RECQL4: variants seen among roughly 807,000 people sequenced by gnomAD.
The protein encoded by RECQL4 is ATP-dependent DNA helicase Q4.
Under a neutral mutation model 128.6 loss-of-function variants are expected in RECQL4, and 158 were observed. The observed-to-expected ratio is 1.23, with a 90% CI of 1.08 to 1.40. RECQL4 has a LOEUF of 1.40. RECQL4 is among the 40% of genes most tolerant of loss of function. The pLI is 0.00. For synonymous variants in RECQL4, 996 were observed against 678.9 expected (o/e 1.47, Z -7.26); for missense variants, 2,293 against 1,649.8 (o/e 1.39, Z -6.75).
Position 144,513,135 on chromosome 8 carries a change from C to T in RECQL4, c.2467G>A (p.Glu823Lys), listed in dbSNP as rs368611522. Residue 823 changes from glutamate to lysine, a missense_variant, in exon 15 of 21, where the codon GAA becomes AAA. Physicochemically the swap from Glu to Lys is moderately conservative, Grantham distance 56. Transcript: ENST00000617875. ...TGTCTGCGCAGCTCTCGCAGGTCTT[C>T]GCCCTGCAGGGCAACTTTCATGAGG... ...HCHLFLQPQG[E>K]DLRELRRHVH... The T allele has an allele frequency of 1.4e-4, 225 of 1,555,340 alleles. 2 individuals carry two copies. Among genetic ancestry groups the T allele is most frequent in the Admixed American group, 2.2e-4 (12 of 55,284 alleles).
rs762644049 is a variant in RECQL4 at position 144,512,916 on chromosome 8, C to T, written c.2686G>A (p.Val896Ile). 6 of 1,585,608 alleles carry T rather than the reference C, an allele frequency of 3.8e-6. No individual in the cohort carries two copies. Among genetic ancestry groups the T allele is most frequent in the South Asian group, 3.4e-5 (3 of 87,434 alleles). The change falls in exon 15 of 21, where the codon GTC (valine) becomes ATC (isoleucine). Residue 896 changes from valine (V) to isoleucine (I), a missense_variant. By Grantham distance (29) the Val-to-Ile change is conservative (BLOSUM62 3). Transcript: ENST00000617875. Reference protein sequence around the residue: ...SHQAAPGPRRVCMGHERALPI... With the variant: ...SHQAAPGPRRICMGHERALPI... ...AGTGCCCGCTCATGGCCCATGCAGA[C>T]CCTTCTGGGTCCTGGGGCTGCTTGG...
chr8:144,513,491 G>A lies in RECQL4; in HGVS notation c.2201-11C>T. On this transcript the variant is annotated splice_polypyrimidine_tract_variant and intron_variant, in intron 13 of 20. Coordinates refer to ENST00000617875, the MANE Select transcript of RECQL4 (RefSeq NM_004260.4). ...TTTTGGGGGCACGACCTTTGGGGAAGACAGGCAGATGGTCAGTGGGATGGG... is the reference window on the plus strand; with the variant it reads ...TTTTGGGGGCACGACCTTTGGGGAAAACAGGCAGATGGTCAGTGGGATGGG... 1.9e-6 allele frequency: 3 copies of A among 1,610,208 alleles called. No individual in the cohort carries two copies. The highest frequency in any genetic ancestry group is 2.5e-6 in the Non-Finnish European group (3 of 1,179,778).
At position 144,513,922 on chromosome 8, in the gene RECQL4, A is replaced by C. The variant is rs759290373; in HGVS notation, c.2058+6T>G. 1.3e-6 allele frequency: 2 copies of C among 1,551,666 alleles called. No individual in the cohort carries two copies. The highest frequency in any genetic ancestry group is 1.7e-6 in the Non-Finnish European group (2 of 1,148,478). ...CCTGCAGGGTCCCCAGAGCACACAC[A>C]CCCACCTGGTCTGTGTCCCTGTCCA... On this transcript the variant is annotated splice_donor_region_variant and intron_variant, in intron 12 of 20. Transcript: ENST00000617875.
Position 144,512,081 on chromosome 8 carries a change from C to T in RECQL4, c.3237-14G>A, listed in dbSNP as rs764194765. The stretch of plus-strand genomic sequence containing the variant: ...GGGAAGGCTACGCTGTGGGGAGGAG[C>T]CTGTCAGAGCTGATCACTGCGGGAG... On this transcript the variant is annotated splice_polypyrimidine_tract_variant and intron_variant, in intron 18 of 20. Coordinates refer to ENST00000617875, the MANE Select transcript of RECQL4 (RefSeq NM_004260.4). 1.9e-6 allele frequency: 3 copies of T among 1,606,062 alleles called. No individual in the cohort carries two copies. Among genetic ancestry groups the T allele is most frequent in the Non-Finnish European group, 2.5e-6 (3 of 1,177,566 alleles).
chr8:144,511,328 C>G lies in RECQL4; in HGVS notation c.*103G>C, dbSNP rs987876045. The G allele has an allele frequency of 2.6e-6, 4 of 1,566,668 alleles. No homozygotes were observed. Among genetic ancestry groups the G allele is most frequent in the Admixed American group, 1.8e-5 (1 of 55,182 alleles). On this transcript the variant is annotated 3_prime_UTR_variant, in exon 21 of 21. Coordinates refer to ENST00000617875, the MANE Select transcript of RECQL4 (RefSeq NM_004260.4). ...CATTTTTTATTCTGCATTTTGGAGC[C>G]TCCTCGTTCCCACACCCTGTGGCAG...
Position 144,517,050 on chromosome 8 carries a change from C to G in RECQL4, c.354G>C (p.Gln118His). The G allele has an allele frequency of 6.2e-7, 1 of 1,609,460 alleles. No homozygotes were observed. Among genetic ancestry groups the G allele is most frequent in the Non-Finnish European group, 8.5e-7 (1 of 1,177,344 alleles). The change falls in exon 4 of 21, where the codon CAG becomes CAC. Residue 118 changes from glutamine to histidine, a missense_variant and splice_region_variant. Gln to His is a conservative substitution (Grantham distance 24, BLOSUM62 0). Coordinates refer to ENST00000617875, the MANE Select transcript of RECQL4 (RefSeq NM_004260.4). ...GACTCACTGCCTGCCCACTCCTCAC[C>G]TGCAGGGTGCCTTTCAGATTGGCCT... ...RLKANLKGTL[Q>H]AGPALGRRPW...
intron 12 of RECQL4, 70 bp from the exon 13 acceptor site, chr8:144,513,782 AGGG>A (rs1827717881): frequency 1.0e-6 from 1 of 977,628 alleles, no homozygotes; most frequent in Non-Finnish European, 1.3e-6. Context: ...GGGAGTGAGG[AGGG>A]GTCGGCGTGG....
In RECQL4 at chr8:144,517,465, C is replaced by A; in HGVS notation, c.162G>T (p.Gln54His). ...CGGAGCTGCGGAGCCCGCCGCCGGC[C>A]TGGCCCGTGGTACGCTTCAGAGTGC... ...EYRTLKRTTG[Q>H]AGGGLRSSES... Residue 54 changes from glutamine (Q) to histidine (H), a missense_variant, in exon 3 of 21, where the codon CAG becomes CAT. Transcript: ENST00000617875. The A allele has an allele frequency of 1.3e-6, 2 of 1,596,334 alleles. No homozygotes were observed. Among genetic ancestry groups the A allele is most frequent in the Non-Finnish European group, 1.7e-6 (2 of 1,176,016 alleles).
Position 144,514,069 on chromosome 8 carries a change from G to C in RECQL4, c.1917C>G (p.Gly639=). The C allele has an allele frequency of 6.3e-7, 1 of 1,590,790 alleles. No individual in the cohort carries two copies. Among genetic ancestry groups the C allele is most frequent in the Non-Finnish European group, 8.5e-7 (1 of 1,169,904 alleles). Residue 639 remains glycine, a synonymous_variant, in exon 12 of 21, where the codon GGC becomes GGG. Coordinates refer to ENST00000617875, the MANE Select transcript of RECQL4 (RefSeq NM_004260.4). ...TGCGGCGTGTGGCTGTGGCTGTGAG[G>C]CCCAGGAAGCAGTGCACGCCCATGC... is the stretch of plus-strand genomic sequence containing the variant. ...RERMGVHCFL[G]LTATATRRTA... is the part of the protein sequence containing the mutation.
intron 19 of RECQL4, 56 bp from the exon 20 acceptor site, chr8:144,511,845 G>C (rs1254024703): frequency 1.2e-6 from 2 of 1,610,710 alleles, no homozygotes; most frequent in Non-Finnish European, 1.7e-6. Context: ...TGCATCCACA[G>C]AGCAAGCCCC....
intron 3 of RECQL4, 36 bp from the exon 4 acceptor site, chr8:144,517,226 C>CT: frequency 6.4e-7 from 1 of 1,563,062 alleles, no homozygotes; most frequent in Non-Finnish European, 8.6e-7. Flanking sequence ...CCAGAAAAGG[C>CT]TGTTGTGGCG....
chr8:144,517,057 G>C lies in RECQL4; in HGVS notation c.347C>G (p.Thr116Ser). The C allele has an allele frequency of 6.2e-7, 1 of 1,610,458 alleles. No individual in the cohort carries two copies. Among genetic ancestry groups the C allele is most frequent in the Non-Finnish European group, 8.5e-7 (1 of 1,178,166 alleles). ...GQRLKANLKG[T>S]LQAGPALGRR... ...TGCCTGCCCACTCCTCACCTGCAGG[G>C]TGCCTTTCAGATTGGCCTTGAGCCG... The change falls in exon 4 of 21, where the codon ACC becomes AGC. Residue 116 changes from threonine to serine, a missense_variant. By Grantham distance (58) the Thr-to-Ser change is moderately conservative. Coordinates refer to ENST00000617875, the MANE Select transcript of RECQL4 (RefSeq NM_004260.4).
Position 144,517,633 on chromosome 8 carries a change from G to C in RECQL4, c.87C>G (p.Asp29Glu). Residue 29 changes from aspartate to glutamate, a missense_variant and splice_region_variant, in exon 2 of 21, where the codon GAC becomes GAG. Physicochemically the swap from Asp to Glu is conservative, Grantham distance 45 (BLOSUM62 2). Transcript: ENST00000617875. ...RRQRGRRPSQDDVEAAPEETR... is the reference protein window; with the variant it reads ...RRQRGRRPSQEDVEAAPEETR... Reference sequence around the variant, plus strand: ...TCTCCTCCGGCGCCGCCTCCACGTCGTCCTGTAAAGGGAACGCGTCAGCCG... The same window carrying C: ...TCTCCTCCGGCGCCGCCTCCACGTCCTCCTGTAAAGGGAACGCGTCAGCCG... The C allele has an allele frequency of 2.0e-6, 3 of 1,485,252 alleles. No individual in the cohort carries two copies. Among genetic ancestry groups the C allele is most frequent in the Non-Finnish European group, 2.7e-6 (3 of 1,125,524 alleles). The allele number at this position is 1,485,252 out of a possible 1,614,324, so 92.0% of individuals were successfully genotyped here.
In RECQL4 at chr8:144,512,847, C is replaced by A. The variant is rs186739072; in HGVS notation, c.2755G>T (p.Ala919Ser). ...TVQALDMPEE[A>S]IETLLCYLEL... is the part of the protein sequence containing the mutation. The stretch of plus-strand genomic sequence containing the variant: ...CTGTGGCTTACCCCAGGTTCCTCAC[C>A]CTCCTCCGGCATGTCCAAAGCCTGT... Residue 919 changes from alanine to serine, a missense_variant and splice_region_variant, in exon 15 of 21, where the codon GCC (alanine) becomes TCC (serine). Transcript: ENST00000617875. 6.2e-7 allele frequency: 1 copy of A among 1,605,072 alleles called. No homozygotes were observed. Among genetic ancestry groups the A allele is most frequent in the Non-Finnish European group, 8.5e-7 (1 of 1,176,266 alleles).
rs778762414 is a variant in RECQL4, at chr8:144,512,249, G to A, written c.3131C>T (p.Thr1044Ile). Residue 1044 changes from threonine to isoleucine, a missense_variant, in exon 18 of 21, where the codon ACC (threonine) becomes ATC (isoleucine). Thr to Ile is a moderately conservative substitution (Grantham distance 89). Coordinates refer to ENST00000617875, the MANE Select transcript of RECQL4 (RefSeq NM_004260.4). The part of the protein sequence containing the change: ...AFHLRSPGDL[T>I]AEEKDQICDF... ...ACATATCTGGTCCTTCTCCTCAGCG[G>A]TCAAGTCCCCCGGGCTGCGAAGGTG... The A allele has an allele frequency of 4.3e-6, 7 of 1,612,338 alleles. No homozygotes were observed. Among genetic ancestry groups the A allele is most frequent in the East Asian group, 2.2e-5 (1 of 44,888 alleles).
Position 144,513,652 on chromosome 8 carries a change from A to C in RECQL4, c.2119T>G (p.Cys707Gly). 6.4e-7 allele frequency: 1 copy of C among 1,574,136 alleles called. No homozygotes were observed. The highest frequency in any genetic ancestry group is 8.6e-7 in the Non-Finnish European group (1 of 1,160,424). ...CGCTCTGTGTCCTCGCGCCGGTTGC[A>C]GTAAATGATAATGGAATCGAGGTTT... Reference protein sequence around the residue: ...FQNLDSIIIYCNRREDTERIA... With the variant: ...FQNLDSIIIYGNRREDTERIA... The change falls in exon 13 of 21, where the codon TGC becomes GGC. Residue 707 changes from cysteine (C) to glycine (G), a missense_variant. Transcript: ENST00000617875.
chr8:144,515,458 C>T lies in RECQL4; in HGVS notation c.1259-1G>A, dbSNP rs372380880. ...ACAGCATCTGTGTCTTCCTCACTTG[C>T]TGGGGCAGGCAGGAGAGGGTAGAAT... On this transcript the variant is annotated splice_acceptor_variant, in intron 6 of 20. Coordinates refer to ENST00000617875, the MANE Select transcript of RECQL4 (RefSeq NM_004260.4). LOFTEE classifies it high-confidence loss of function. 4.3e-6 allele frequency: 7 copies of T among 1,612,552 alleles called. No individual in the cohort carries two copies. The African/African-American group carries it at 8.0e-5, about 18-fold the overall frequency.
Position 144,513,206 on chromosome 8 carries a change from G to T in RECQL4, c.2463+12C>A, listed in dbSNP as rs775756916. Reference sequence around the variant, plus strand: ...CTCGAGCACTGGCAGTGTGGGGGGGGGGGGTGCCAACCTGGGGCTGCAGGA... The same window carrying T: ...CTCGAGCACTGGCAGTGTGGGGGGGTGGGGTGCCAACCTGGGGCTGCAGGA... On this transcript the variant is annotated intron_variant, in intron 14 of 20. Coordinates refer to ENST00000617875, the MANE Select transcript of RECQL4 (RefSeq NM_004260.4). 2 of 1,563,748 alleles carry T rather than the reference G, an allele frequency of 1.3e-6. No individual in the cohort carries two copies. Among genetic ancestry groups the T allele is most frequent in the Non-Finnish European group, 8.6e-7 (1 of 1,158,822 alleles).
chr8:144,512,561 C>T lies in RECQL4; in HGVS notation c.2886G>A (p.Arg962=). The T allele has an allele frequency of 6.2e-7, 1 of 1,612,498 alleles. No homozygotes were observed. Among genetic ancestry groups the T allele is most frequent in the South Asian group, 1.1e-5 (1 of 91,090 alleles). The change falls in exon 17 of 21, where the codon AGG becomes AGA. Residue 962 remains arginine (R), a splice_region_variant and synonymous_variant. Transcript: ENST00000617875. ...GPAQLQALAH[R]CPPLAVCLAQ... ...CCAAGCACACAGCCAAAGGGGGACA[C>T]CTGTGCCCAGGGAAAAAGGGACATG...
Sources: allele counts gnomAD v4.1 joint callset, GRCh38; gene constraint gnomAD v4.1.1; transcripts MANE v1.5; gene names NCBI Gene and HGNC (gene_info 2026-07-23, HGNC 2026-07-21).